The following TLE4 variants were observed in gnomAD, a reference collection of about 807,000 sequenced individuals.
TLE4 encodes TLE family member 4, transcriptional corepressor.
TLE4 carries 8 observed loss-of-function variants against 92.8 expected under a neutral mutation model. The observed-to-expected ratio is 0.09, with a 90% confidence interval of 0.05 to 0.16. The LOEUF (loss-of-function observed/expected upper bound fraction) is 0.16. TLE4 is among the 10% of genes least tolerant of loss of function. The pLI is 1.00. For synonymous variants in TLE4, 371 were observed against 374.1 expected, an observed-to-expected ratio of 0.99 and a Z score of 0.10; for missense variants, 675 against 997.6, an observed-to-expected ratio of 0.68 and a Z score of 4.36.
rs1287764183 is a variant in TLE4 at position 79,708,185 on chromosome 9, C to T, written c.1004C>T (p.Pro335Leu). ...ACTCCACGAACTGATGCGCCCACCC[C>T]AGGCAGTAACTCTACTCCCGGATTG... ...TPTPRTDAPT[P>L]GSNSTPGLRP... Residue 335 changes from proline to leucine, a missense_variant, in exon 12 of 20, where the codon CCA (proline) becomes CTA (leucine). By Grantham distance (98) the Pro-to-Leu change is moderately conservative. Around this residue, in one of 5 missense-constraint regions of TLE4, gnomAD observed 280 missense variants for 287.3 expected, o/e 0.97. Coordinates refer to ENST00000376552, the MANE Select transcript of TLE4 (RefSeq NM_007005.6). 1 of 1,614,188 alleles carries T rather than the reference C, an allele frequency of 6.2e-7. No individual in the cohort carries two copies.
At chr9:79,666,217 GTTTTTTTTT>G (rs1162655919) in intron 8 of TLE4, among the ~76,000 whole-genome samples, 14 of 65,616 alleles carry the variant, frequency 2.1e-4, no homozygotes, top group Admixed American at 3.5e-4. Flanking sequence ...TTTTTTTTTT[GTTTTTTTTT>G]TTTTTTTTTT....
rs547665787 is a variant in TLE4 at position 79,707,282 on chromosome 9, A to G, written c.936+383A>G. The G allele has an allele frequency of 4.5e-5, 59 of 1,298,828 alleles. 1 individual carries two copies. In the South Asian group the frequency reaches 7.1e-4, roughly 16 times the overall value. The allele number at this position is 1,298,828 out of a possible 1,614,324, so 80.5% of individuals were successfully genotyped here. A position where few individuals can be genotyped will look rare whatever the true frequency, so the allele number is the denominator to read the frequency against. ...AGCTTTGTTTGAATTACCAAGCTAC[A>G]TATGACGGCAATAATTTTCCCTTCC... On this transcript the variant is annotated intron_variant, in intron 11 of 19. Coordinates refer to ENST00000376552, the MANE Select transcript of TLE4 (RefSeq NM_007005.6).
chr9:79,676,848 T>C (rs2063349425), intron 8 of TLE4, among the ~76,000 whole-genome samples: 1 of 152,174 alleles, frequency 6.6e-6, no homozygotes. Flanking sequence ...ATTATTAGTT[T>C]GAGCTAAATG....
Position 79,721,885 on chromosome 9 carries a change from C to T in TLE4, c.1983C>T (p.Ser661=), listed in dbSNP as rs757136420. 6.2e-7 allele frequency: 1 copy of T among 1,612,612 alleles called. No homozygotes were observed. The highest frequency in any genetic ancestry group is 8.5e-7 in the Non-Finnish European group (1 of 1,179,452). The change falls in exon 17 of 20, where the codon TCC becomes TCT. Residue 661 remains serine (S), a synonymous_variant. Transcript: ENST00000376552. ...AGCTGCAGCAGCACGACTTCACCTC[C>T]CAGGTATGATCCGTGGCTGAGGCAT... The part of the protein sequence containing the change: ...GRQLQQHDFT[S]QIFSLGYCPT...
intron 5 of TLE4, among the ~76,000 whole-genome samples, chr9:79,613,174 T>C (rs77827160): frequency 6.6e-6 from 1 of 152,134 alleles, no homozygotes; most frequent in Non-Finnish European, 1.5e-5. Flanking sequence ...TTTTAAACAT[T>C]TACTTCTTGT....
chr9:79,693,696 T>C, intron 8 of TLE4: 1 of 512,992 alleles, frequency 1.9e-6, no homozygotes, highest in Non-Finnish European at 3.9e-6. Context: ...TCTTCCTTCA[T>C]TTGTTCAGCA....
At chr9:79,719,949 C>A in intron 15 of TLE4, 97 bp from the exon 16 acceptor site, 1 of 1,466,826 alleles carries the variant, frequency 6.8e-7, no homozygotes, top group Non-Finnish European at 9.1e-7. Flanking sequence ...CTCATTAAAC[C>A]AGGAGGGAAC....
chr9:79,668,797 C>T lies in TLE4; in HGVS notation c.609+14722C>T, dbSNP rs1456300804. 10 of 984,824 alleles carry T rather than the reference C, an allele frequency of 1.0e-5. No individual in the cohort carries two copies. The African/African-American group carries it at 1.6e-4, about 15-fold the overall frequency. The allele number at this position is 984,824 out of a possible 1,614,324, so 61.0% of individuals were successfully genotyped here. A position where few individuals can be genotyped will look rare whatever the true frequency, so the allele number is the denominator to read the frequency against. Reference sequence around the variant, plus strand: ...CTTTTAATTTGCTTTAAACAAAATACTCTTTTGTATATTCAAATGGAGAGT... The same window carrying T: ...CTTTTAATTTGCTTTAAACAAAATATTCTTTTGTATATTCAAATGGAGAGT... On this transcript the variant is annotated intron_variant, in intron 8 of 19. Coordinates refer to ENST00000376552, the MANE Select transcript of TLE4 (RefSeq NM_007005.6).
intron 2 of TLE4, 74 bp downstream of exon 2, chr9:79,573,860 T>TA (rs1280568632): frequency 9.1e-7 from 1 of 1,097,798 alleles, no homozygotes; most frequent in Middle Eastern, 2.7e-4. Context: ...CACAAACACT[T>TA]ACCCTCCTCC....
At chr9:79,706,422 A>G (rs2071588611) in intron 10 of TLE4, among the ~76,000 whole-genome samples, 1 of 151,200 alleles carries the variant, frequency 6.6e-6, no homozygotes, top group South Asian at 2.1e-4. Flanking sequence ...TTATTCTATT[A>G]AGAATAAGGT....
intron 8 of TLE4, among the ~76,000 whole-genome samples, chr9:79,666,307 A>G (rs1298906509): frequency 6.7e-6 from 1 of 148,956 alleles, no homozygotes; most frequent in Non-Finnish European, 1.5e-5. Flanking sequence ...GGCTCACTGC[A>G]ATCTCTGTCT....
chr9:79,576,258 T>C lies in TLE4; in HGVS notation c.252+81T>C, dbSNP rs565778230. On this transcript the variant is annotated intron_variant, in intron 4 of 19. Transcript: ENST00000376552. Reference sequence around the variant, plus strand: ...AAGAAAATTGTATGTTTTGCAGTTTTATTCTGCAAGCCGTTGTGGCTACCT... The same window carrying C: ...AAGAAAATTGTATGTTTTGCAGTTTCATTCTGCAAGCCGTTGTGGCTACCT... The C allele has an allele frequency of 4.9e-5, 54 of 1,113,310 alleles. No homozygotes were observed. The Admixed American group carries it at 1.2e-3, about 25-fold the overall frequency. 69.0% of individuals were successfully genotyped at this position (1,113,310 alleles called of 1,614,324 possible). A position where few individuals can be genotyped will look rare whatever the true frequency, so the allele number is the denominator to read the frequency against.
intron 8 of TLE4, chr9:79,668,763 A>G (rs2134746090): frequency 1.0e-6 from 1 of 954,452 alleles, no homozygotes; most frequent in Non-Finnish European, 1.2e-6. Context: ...GAAGTCATCT[A>G]CTGGAACGCT....
At chr9:79,685,849 C>T (rs1375528104) in intron 8 of TLE4, among the ~76,000 whole-genome samples, 1 of 152,088 alleles carries the variant, frequency 6.6e-6, no homozygotes, top group Non-Finnish European at 1.5e-5. Flanking sequence ...GGTATTTTCA[C>T]GTCAGAAGTA....
intron 6 of TLE4, among the ~76,000 whole-genome samples, chr9:79,651,835 T>C (rs76149702): frequency 0.011 from 1,696 of 152,314 alleles, 39 homozygotes; most frequent in African/African-American, 0.038. Flanking sequence ...TCTGGGAGAA[T>C]TGTTTAACAC....
At chr9:79,642,012 A>G (rs2057254969) in intron 6 of TLE4, among the ~76,000 whole-genome samples, 1 of 151,998 alleles carries the variant, frequency 6.6e-6, no homozygotes. Context: ...TATGTTGCAC[A>G]TAGTAGTGTT....
chr9:79,576,009 T>C, intron 3 of TLE4, 124 bp from the exon 4 acceptor site: 2 of 532,688 alleles, frequency 3.8e-6, no homozygotes, highest in Non-Finnish European at 6.3e-6. Context: ...GCATAGGTTA[T>C]ATGAAGATAC....
chr9:79,606,818 A>G (rs2047114714), intron 4 of TLE4, among the ~76,000 whole-genome samples: 1 of 152,274 alleles, frequency 6.6e-6, no homozygotes, highest in East Asian at 1.9e-4. Context: ...GCTACTGTGA[A>G]TAGTGCTGCA....
intron 8 of TLE4, among the ~76,000 whole-genome samples, chr9:79,659,315 A>G (rs1015508909): frequency 3.3e-5 from 5 of 152,144 alleles, no homozygotes; most frequent in Non-Finnish European, 5.9e-5. Flanking sequence ...TTCTATCTAT[A>G]CTTTTTCTTT....
Sources: allele counts gnomAD v4.1 joint callset (sites outside exome capture counted in the v4.1 genomes callset), GRCh38; gene constraint gnomAD v4.1.1; regional missense constraint gnomAD v4.1.1; transcripts MANE v1.5; gene names NCBI Gene and HGNC (gene_info 2026-07-23, HGNC 2026-07-21).